OVCH2: variants seen among roughly 807,000 people sequenced by gnomAD.
The protein encoded by OVCH2 is ovochymase 2.
In OVCH2, 88 loss-of-function variants were observed where a neutral mutation model predicts 73.7. The observed-to-expected ratio is 1.19, with a 90% CI of 1.01 to 1.43. The LOEUF (loss-of-function observed/expected upper bound fraction) is 1.43, where lower values mean the gene tolerates loss of function less well. OVCH2 is among the 40% of genes most tolerant of loss of function. The pLI, the probability that OVCH2 is intolerant of heterozygous loss-of-function variation, is 0.00. For missense variants in OVCH2, 706 were observed against 674.5 expected, an observed-to-expected ratio of 1.05 and a Z score of -0.52; for synonymous variants, 265 against 234.5, an observed-to-expected ratio of 1.13 and a Z score of -1.19.
chr11:7,694,877 G>T (rs911020692), intron 12 of OVCH2, among the ~76,000 whole-genome samples, 181 bp downstream of exon 12: 6 of 150,870 alleles, frequency 4.0e-5, no homozygotes, highest in Non-Finnish European at 7.4e-5. Context: ...AGTTGCAGGG[G>T]AAACTGGGCG....
At chr11:7,690,765 T>C (rs530723805) in intron 14 of OVCH2, among the ~76,000 whole-genome samples, 7 of 152,186 alleles carry the variant, frequency 4.6e-5, no homozygotes, top group Admixed American at 1.3e-4. Context: ...TCATGGTCTA[T>C]TTAGTGGCAC....
Position 7,703,748 on chromosome 11 carries a change from G to A in OVCH2, c.240C>T (p.Ser80=). 1 of 1,610,900 alleles carries A rather than the reference G, an allele frequency of 6.2e-7. No individual in the cohort carries two copies. The highest frequency in any genetic ancestry group is 8.5e-7 in the Non-Finnish European group (1 of 1,178,598). Residue 80 remains serine (S), a synonymous_variant, in exon 3 of 16, where the codon AGC becomes AGT. Coordinates refer to ENST00000533663, the MANE Select transcript of OVCH2 (RefSeq NM_198185.7). ...KQRQKHICGG[S]IVSPQWVITA... ...TGATCACCCACTGTGGTGAGACGAT[G>A]CTTCCTCCACAAATATGCTTCTGCC...
chr11:7,698,746 C>T lies in OVCH2; in HGVS notation c.925+4G>A. ...TGATGGAGCAGCCTGCAAGGGATACCCACCTCTGGAGCTCTTTCTCCGATT... is the reference window on the plus strand; with the variant it reads ...TGATGGAGCAGCCTGCAAGGGATACTCACCTCTGGAGCTCTTTCTCCGATT... On this transcript the variant is annotated splice_donor_region_variant and intron_variant, in intron 8 of 15. Coordinates refer to ENST00000533663, the MANE Select transcript of OVCH2 (RefSeq NM_198185.7). The T allele has an allele frequency of 6.2e-7, 1 of 1,612,112 alleles. No individual in the cohort carries two copies. The highest frequency in any genetic ancestry group is 8.5e-7 in the Non-Finnish European group (1 of 1,179,244).
chr11:7,689,785 A>T, intron 15 of OVCH2, 139 bp downstream of exon 15: 1 of 699,690 alleles, frequency 1.4e-6, no homozygotes, highest in Non-Finnish European at 2.6e-6. Context: ...TCTCTAAATA[A>T]GGTCACATTC....
rs778805695 is a variant in OVCH2, at chr11:7,701,667, C to T, written c.559+49G>A. ...AAAAATTCCATTTTCTGATTGCCCA[C>T]CAGAAAGTTCTGACCTCTGCTTAAG... On this transcript the variant is annotated intron_variant, in intron 5 of 15. Coordinates refer to ENST00000533663, the MANE Select transcript of OVCH2 (RefSeq NM_198185.7). 1.9e-6 allele frequency: 3 copies of T among 1,550,658 alleles called. No homozygotes were observed. The Admixed American group carries it at 5.4e-5, about 28-fold the overall frequency.
chr11:7,696,357 C>T, intron 10 of OVCH2, 108 bp downstream of exon 10: 1 of 1,454,546 alleles, frequency 6.9e-7, no homozygotes, highest in Non-Finnish European at 9.4e-7. Context: ...AAGCGGAAGT[C>T]AAGAAGTGTG....
intron 15 of OVCH2, 72 bp downstream of exon 15, chr11:7,689,852 A>C: frequency 1.1e-6 from 1 of 929,544 alleles, no homozygotes; most frequent in Non-Finnish European, 1.7e-6. Context: ...AATTAAATCC[A>C]TATCACCTGC....
the OVCH2 span, among the ~76,000 whole-genome samples, chr11:7,680,563 T>C: frequency 6.6e-6 from 1 of 152,136 alleles, no homozygotes. Flanking sequence ...AGCGACTGAT[T>C]GGCAGAATGA....
Position 7,697,026 on chromosome 11 carries a change from C to G in OVCH2, c.926-227G>C, listed in dbSNP as rs61888826. The G allele has an allele frequency of 1.7e-3, 586 of 337,146 alleles. 3 individuals carry two copies. The highest frequency in any genetic ancestry group is 0.012 in the African/African-American group (541 of 44,454). 20.9% of individuals were successfully genotyped at this position (337,146 alleles called of 1,614,324 possible). A position where few individuals can be genotyped will look rare whatever the true frequency, so the allele number is the denominator to read the frequency against. On this transcript the variant is annotated intron_variant, in intron 8 of 15. Transcript: ENST00000533663. ...GGTTTTCTTTCCTTAACTCTTCTCT[C>G]TCTTTTTATTTTATTTTATTTTATC...
At position 7,700,847 on chromosome 11, in the gene OVCH2, A is replaced by T. The variant is rs184346052; in HGVS notation, c.712-362T>A. Among the ~76,000 whole-genome samples the T allele has an allele frequency of 5.3e-5, 8 of 152,334 alleles. No homozygotes were observed. In the East Asian group the frequency reaches 1.5e-3, roughly 29 times the overall value. On this transcript the variant is annotated intron_variant, in intron 6 of 15. Transcript: ENST00000533663. ...AAAGTGTAAAGTTCCCAACATCCACAAACTGGAAAATTCTAAATAGGAAAG... is the reference window on the plus strand; with the variant it reads ...AAAGTGTAAAGTTCCCAACATCCACTAACTGGAAAATTCTAAATAGGAAAG...
In OVCH2 at chr11:7,694,903, A is replaced by C. The variant is rs200281458; in HGVS notation, c.1413+155T>G. Among the ~76,000 whole-genome samples the C allele has an allele frequency of 2.0e-5, 3 of 151,124 alleles. No individual in the cohort carries two copies. In the East Asian group the frequency reaches 5.8e-4, roughly 29 times the overall value. The stretch of plus-strand genomic sequence containing the variant: ...AAACTGGGCGGATCCATTATTCAGC[A>C]AGTATTTATTGACAGCTTTGTGTGT... On this transcript the variant is annotated intron_variant, in intron 12 of 15. Transcript: ENST00000533663.
intron 13 of OVCH2, among the ~76,000 whole-genome samples, chr11:7,691,657 C>A (rs1039806110): frequency 2.0e-5 from 3 of 152,162 alleles, no homozygotes; most frequent in Non-Finnish European, 4.4e-5. Flanking sequence ...TTCAATGGAA[C>A]TTTCCCTTTC....
chr11:7,678,840 T>A, the OVCH2 span, among the ~76,000 whole-genome samples: 1 of 152,282 alleles, frequency 6.6e-6, no homozygotes, highest in East Asian at 1.9e-4. Flanking sequence ...TGGCTAATAT[T>A]CTCATTACCT....
At chr11:7,694,246 A>G (rs59672515) in intron 12 of OVCH2, among the ~76,000 whole-genome samples, 327 of 152,270 alleles carry the variant, frequency 2.1e-3, no homozygotes, top group African/African-American at 7.6e-3. Flanking sequence ...CCCTGATGAT[A>G]TCTCTCTGCA....
At chr11:7,689,424 A>T (rs1856176811), downstream of OVCH2, 1 of 294,168 alleles carries the variant, frequency 3.4e-6, no homozygotes, top group South Asian at 3.3e-5. Flanking sequence ...ATGACAAAGT[A>T]CCACAAACTA....
downstream of OVCH2, among the ~76,000 whole-genome samples, chr11:7,686,286 T>C (rs1403887985): frequency 6.6e-6 from 1 of 152,206 alleles, no homozygotes; most frequent in Non-Finnish European, 1.5e-5. Flanking sequence ...TGACGATGAT[T>C]CTTACCTCTT....
intron 1 of OVCH2, 28 bp downstream of exon 1, chr11:7,706,279 G>A: frequency 6.4e-7 from 1 of 1,556,540 alleles, no homozygotes; most frequent in African/African-American, 1.4e-5. Flanking sequence ...TCAGACAAAG[G>A]TAATTATAGA....
chr11:7,703,409 A>T (rs540132811), intron 3 of OVCH2, among the ~76,000 whole-genome samples: 39 of 152,346 alleles, frequency 2.6e-4, no homozygotes, highest in African/African-American at 9.1e-4. Context: ...GAAAACTTTC[A>T]CAAATCCTTC....
chr11:7,691,421 G>A (rs762056797), intron 13 of OVCH2, 21 bp from the exon 14 acceptor site: 3 of 1,605,944 alleles, frequency 1.9e-6, no homozygotes, highest in Non-Finnish European at 2.6e-6. Flanking sequence ...GCCAGCCCAG[G>A]CATGACATTG....
Sources: allele counts gnomAD v4.1 joint callset (sites outside exome capture counted in the v4.1 genomes callset), GRCh38; gene constraint gnomAD v4.1.1; transcripts MANE v1.5; gene names NCBI Gene and HGNC (gene_info 2026-07-23, HGNC 2026-07-21).